The following PELI2 variants were observed in gnomAD, a reference collection of about 807,000 sequenced individuals.
The protein encoded by PELI2 is E3 ubiquitin-protein ligase pellino homolog 2.
PELI2 carries 23 observed loss-of-function variants against 42.3 expected under a neutral mutation model. The observed-to-expected ratio is 0.54, with a 90% confidence interval of 0.39 to 0.77. The LOEUF is 0.77. PELI2 is among the 30% of genes least tolerant of loss of function. PELI2 has a pLI of 0.00. For synonymous variants in PELI2, 245 were observed against 212.2 expected, an observed-to-expected ratio of 1.15 and a Z score of -1.34; for missense variants, 463 against 553.2, an observed-to-expected ratio of 0.84 and a Z score of 1.64.
intron 2 of PELI2, among the ~76,000 whole-genome samples, chr14:56,209,849 C>T (rs1034890304): frequency 1.3e-5 from 2 of 152,216 alleles, no homozygotes; most frequent in African/African-American, 2.4e-5. Context: ...AGGTTTGCCA[C>T]TGGTTTTCAA....
At chr14:56,268,845 G>A (rs540621753) in intron 2 of PELI2, among the ~76,000 whole-genome samples, 1 of 152,090 alleles carries the variant, frequency 6.6e-6, no homozygotes, top group Non-Finnish European at 1.5e-5. Context: ...GGTATGTGAC[G>A]CTTTCAGATC....
intron 2 of PELI2, among the ~76,000 whole-genome samples, chr14:56,187,906 G>A (rs1885823823): frequency 6.6e-6 from 1 of 152,206 alleles, no homozygotes; most frequent in African/African-American, 2.4e-5. Flanking sequence ...GGATCGCCGT[G>A]CTCTTCTCTG....
intron 2 of PELI2, among the ~76,000 whole-genome samples, chr14:56,262,072 G>C (rs904263874): frequency 3.5e-4 from 53 of 152,310 alleles, no homozygotes; most frequent in African/African-American, 1.3e-3. Flanking sequence ...CACATTATTT[G>C]TTGAATTTAT....
intron 2 of PELI2, among the ~76,000 whole-genome samples, chr14:56,255,565 A>G (rs569601597): frequency 2.8e-4 from 43 of 152,308 alleles, no homozygotes; most frequent in African/African-American, 9.9e-4. Flanking sequence ...GCAAACCACC[A>G]TAGCACATGT....
chr14:56,142,602 A>G (rs1328323239), intron 1 of PELI2, among the ~76,000 whole-genome samples: 1 of 152,208 alleles, frequency 6.6e-6, no homozygotes, highest in Non-Finnish European at 1.5e-5. Flanking sequence ...GTCCTTTACA[A>G]AATTCTCAAG....
At chr14:56,221,787 T>C (rs1887142794) in intron 2 of PELI2, among the ~76,000 whole-genome samples, 1 of 152,258 alleles carries the variant, frequency 6.6e-6, no homozygotes, top group South Asian at 2.1e-4. Context: ...TTAACCTTCT[T>C]TTGCATGGTT....
At chr14:56,136,191 C>T (rs1227614061) in intron 1 of PELI2, among the ~76,000 whole-genome samples, 1 of 152,094 alleles carries the variant, frequency 6.6e-6, no homozygotes, top group Non-Finnish European at 1.5e-5. Flanking sequence ...TTTCTGTTAT[C>T]CAGGGTTCCA....
chr14:56,293,576 T>C (rs1315057159), intron 5 of PELI2, among the ~76,000 whole-genome samples: 1 of 152,198 alleles, frequency 6.6e-6, no homozygotes, highest in African/African-American at 2.4e-5. Context: ...GACTGGCTGG[T>C]TGTTATTACT....
intron 1 of PELI2, among the ~76,000 whole-genome samples, chr14:56,143,425 C>T (rs144039746): frequency 3.9e-5 from 6 of 152,302 alleles, no homozygotes; most frequent in Non-Finnish European, 7.3e-5. Flanking sequence ...GGGGGAGACA[C>T]GTTGAGATGA....
At chr14:56,233,368 C>T (rs114962823) in intron 2 of PELI2, among the ~76,000 whole-genome samples, 61,156 of 151,910 alleles carry the variant, frequency 0.4, 13,003 homozygotes, top group South Asian at 0.53. Flanking sequence ...TACAAGTTTA[C>T]AGTAACCAAA....
chr14:56,168,796 A>G (rs1370536434), intron 1 of PELI2, among the ~76,000 whole-genome samples: 2 of 152,166 alleles, frequency 1.3e-5, no homozygotes, highest in Admixed American at 1.3e-4. Context: ...AACAGAAGCC[A>G]GCAAGTCTCA....
In PELI2 at chr14:56,140,251, A is replaced by T. The variant is rs567443464; in HGVS notation, c.77+21514A>T. Among the ~76,000 whole-genome samples the T allele has an allele frequency of 9.8e-5, 15 of 152,342 alleles. No homozygotes were observed. The South Asian group carries it at 1.9e-3, about 19-fold the overall frequency. On this transcript the variant is annotated intron_variant, in intron 1 of 5. Coordinates refer to ENST00000267460, the MANE Select transcript of PELI2 (RefSeq NM_021255.3). Reference sequence around the variant, plus strand: ...GGACTTGTAAAGAATAGTTAATAACAGCCTCCTCCTCCCAAAACACAAGCA... The same window carrying T: ...GGACTTGTAAAGAATAGTTAATAACTGCCTCCTCCTCCCAAAACACAAGCA...
intron 2 of PELI2, among the ~76,000 whole-genome samples, chr14:56,255,039 G>A (rs1888478534): frequency 6.6e-6 from 1 of 152,202 alleles, no homozygotes; most frequent in Admixed American, 6.5e-5. Flanking sequence ...CTGTTGGTGG[G>A]AGTGTAAATT....
intron 2 of PELI2, among the ~76,000 whole-genome samples, chr14:56,262,558 G>T (rs548238820): frequency 6.6e-6 from 1 of 152,228 alleles, no homozygotes; most frequent in South Asian, 2.1e-4. Flanking sequence ...CTGAGGATGG[G>T]ATAATAAAAA....
chr14:56,140,858 G>C (rs756177385), intron 1 of PELI2, among the ~76,000 whole-genome samples: 12 of 152,232 alleles, frequency 7.9e-5, no homozygotes, highest in South Asian at 2.1e-4. Context: ...TTCATCCTGA[G>C]GTACAGGAGG....
At chr14:56,268,777 T>A (rs1027541084) in intron 2 of PELI2, among the ~76,000 whole-genome samples, 3 of 152,152 alleles carry the variant, frequency 2.0e-5, no homozygotes, top group Non-Finnish European at 4.4e-5. Context: ...GCAGTTACGA[T>A]GCCTGCTGTG....
chr14:56,135,267 TC>T (rs1304134888), intron 1 of PELI2, among the ~76,000 whole-genome samples: 5 of 152,200 alleles, frequency 3.3e-5, no homozygotes, highest in Non-Finnish European at 7.3e-5. Flanking sequence ...TAAGCCACAA[TC>T]CAAATGATTT....
intron 1 of PELI2, among the ~76,000 whole-genome samples, chr14:56,157,365 T>C (rs144223759): frequency 6.6e-6 from 1 of 152,224 alleles, no homozygotes; most frequent in East Asian, 1.9e-4. Context: ...ATCTCATGGT[T>C]CAGCTATTAG....
At chr14:56,198,010 A>ACACACACCCACC (rs772024884) in intron 2 of PELI2, among the ~76,000 whole-genome samples, 1 of 114,618 alleles carries the variant, frequency 8.7e-6, no homozygotes, top group African/African-American at 3.0e-5. Context: ...ACACACACAC[A>ACACACACCCACC]CACCCACCTC....
Sources: allele counts gnomAD v4.1 joint callset (sites outside exome capture counted in the v4.1 genomes callset), GRCh38; gene constraint gnomAD v4.1.1; transcripts MANE v1.5; gene names NCBI Gene and HGNC (gene_info 2026-07-23, HGNC 2026-07-21).